The following RBM27 variants were observed in gnomAD, a reference collection of about 807,000 sequenced individuals.
The protein encoded by RBM27 is RNA-binding protein 27.
Under a neutral mutation model 135.3 loss-of-function variants are expected in RBM27, and 22 were observed. That is an observed-to-expected ratio of 0.16 (90% CI 0.12 to 0.23). The LOEUF (loss-of-function observed/expected upper bound fraction) is 0.23. RBM27 is among the 10% of genes least tolerant of loss of function. The pLI is 1.00. For synonymous variants in RBM27, 481 were observed against 442.4 expected, an observed-to-expected ratio of 1.09 and a Z score of -1.10; for missense variants, 1,009 against 1,281.0, an observed-to-expected ratio of 0.79 and a Z score of 3.24.
In RBM27 at chr5:146,288,461, A is replaced by T. The variant is rs1759666975; in HGVS notation, c.*2431A>T. Reference sequence around the variant, plus strand: ...AAGATGAATTTGAAGTGAGTTAATTATAATACTGGAAAACTTCAGGTTAGC... The same window carrying T: ...AAGATGAATTTGAAGTGAGTTAATTTTAATACTGGAAAACTTCAGGTTAGC... On this transcript the variant is annotated 3_prime_UTR_variant, in exon 21 of 21. Transcript: ENST00000265271. The T allele has an allele frequency of 6.6e-6, 1 of 152,106 alleles. No homozygotes were observed. Among genetic ancestry groups the T allele is most frequent in the Non-Finnish European group, 1.5e-5 (1 of 67,948 alleles). 9.4% of individuals were successfully genotyped at this position (152,106 alleles called of 1,614,324 possible).
Position 146,255,037 on chromosome 5 carries a change from A to G in RBM27, c.1539A>G (p.Thr513=). The change falls in exon 10 of 21, where the codon ACA becomes ACG. Residue 513 remains threonine (T), a synonymous_variant. Transcript: ENST00000265271. The part of the protein sequence containing the change: ...QYRQFFSRTQ[T]QRPNLIGLTS... ...GACAGTTCTTTTCAAGAACTCAGAC[A>G]CAGCGTCCCAATCTGATTGGCCTAA... The G allele has an allele frequency of 1.9e-6, 3 of 1,611,744 alleles. No individual in the cohort carries two copies. Among genetic ancestry groups the G allele is most frequent in the Non-Finnish European group, 2.5e-6 (3 of 1,177,910 alleles).
chr5:146,283,858 T>C (rs1467505652), intron 19 of RBM27, among the ~76,000 whole-genome samples: 5 of 152,204 alleles, frequency 3.3e-5, no homozygotes, highest in Non-Finnish European at 5.9e-5. Context: ...GAATCTCTTC[T>C]ATTATGTTTT....
At chr5:146,206,436 G>A (rs926702137) in intron 1 of RBM27, among the ~76,000 whole-genome samples, 1 of 139,006 alleles carries the variant, frequency 7.2e-6, no homozygotes, top group African/African-American at 2.7e-5. Context: ...TAATTTTCAT[G>A]AGTAAAAATT....
At chr5:146,258,664 G>T in intron 11 of RBM27, 71 bp downstream of exon 11, 2 of 1,299,522 alleles carry the variant, frequency 1.5e-6, no homozygotes, top group Non-Finnish European at 2.0e-6. Flanking sequence ...ATAAAAATAA[G>T]ATTTGTCATT....
chr5:146,288,163 C>CT lies in RBM27; in HGVS notation c.*2134dup, dbSNP rs1759655824. ...AAAATTACAGTAAATAAATGGAACT[C>CT]TAAGAAAAATTTCAGTAGACAGTTC... On this transcript the variant is annotated 3_prime_UTR_variant, in exon 21 of 21. Transcript: ENST00000265271. 6.6e-6 allele frequency: 1 copy of CT among 151,520 alleles called. No individual in the cohort carries two copies. The highest frequency in any genetic ancestry group is 2.4e-5 in the African/African-American group (1 of 41,236). 9.4% of individuals were successfully genotyped at this position (151,520 alleles called of 1,614,324 possible). A position where few individuals can be genotyped will look rare whatever the true frequency, so the allele number is the denominator to read the frequency against.
chr5:146,245,585 T>G (rs1757592189), intron 8 of RBM27, among the ~76,000 whole-genome samples: 1 of 152,216 alleles, frequency 6.6e-6, no homozygotes. Flanking sequence ...TAATTCTAAA[T>G]TTGAGATTTG....
intron 8 of RBM27, among the ~76,000 whole-genome samples, chr5:146,240,684 T>C (rs1032928309): frequency 3.3e-5 from 5 of 152,154 alleles, no homozygotes; most frequent in Non-Finnish European, 7.3e-5. Context: ...TAATGACATA[T>C]ACTTATATAT....
At chr5:146,211,771 C>T (rs1466155042) in intron 1 of RBM27, among the ~76,000 whole-genome samples, 2 of 151,904 alleles carry the variant, frequency 1.3e-5, no homozygotes, top group African/African-American at 4.8e-5. Flanking sequence ...CCAGTATGGT[C>T]TTACCAAAGG....
At chr5:146,228,278 C>CTTTTTTTTTTTT (rs201464624) in intron 3 of RBM27, among the ~76,000 whole-genome samples, 1 of 116,860 alleles carries the variant, frequency 8.6e-6, no homozygotes, top group African/African-American at 3.5e-5. Context: ...AGGGACCATT[C>CTTTTTTTTTTTT]TTTCTTTTTT....
intron 11 of RBM27, among the ~76,000 whole-genome samples, chr5:146,260,230 T>G (rs1200347947): frequency 6.6e-6 from 1 of 150,692 alleles, no homozygotes. Context: ...ACTTGGGAGG[T>G]GGAGGTTGCA....
intron 9 of RBM27, among the ~76,000 whole-genome samples, chr5:146,252,402 A>G (rs1445082948): frequency 6.6e-6 from 1 of 151,966 alleles, no homozygotes; most frequent in African/African-American, 2.4e-5. Flanking sequence ...GGTGTTTTTA[A>G]CCCTTTCTCA....
At chr5:146,283,974 T>A (rs1759474583) in intron 19 of RBM27, among the ~76,000 whole-genome samples, 1 of 152,198 alleles carries the variant, frequency 6.6e-6, no homozygotes, top group African/African-American at 2.4e-5. Context: ...TTGTCTGTGT[T>A]GCTTTGTCTT....
intron 8 of RBM27, among the ~76,000 whole-genome samples, chr5:146,240,368 C>A (rs1029361244): frequency 5.9e-5 from 9 of 151,822 alleles, no homozygotes; most frequent in Non-Finnish European, 1.3e-4. Flanking sequence ...ACTTTGTCGC[C>A]CAGGCTGGAG....
intron 19 of RBM27, among the ~76,000 whole-genome samples, chr5:146,274,456 T>A (rs1004459018): frequency 6.6e-6 from 1 of 152,088 alleles, no homozygotes; most frequent in African/African-American, 2.4e-5. Context: ...GATGGGGTTT[T>A]GCCATGTTGG....
chr5:146,260,651 T>TA (rs967702518), intron 11 of RBM27, 94 bp from the exon 12 acceptor site: 4 of 1,139,704 alleles, frequency 3.5e-6, no homozygotes, highest in African/African-American at 3.2e-5. Flanking sequence ...AAAAGGCACT[T>TA]AAAAAAATTA....
At chr5:146,230,038 A>C in intron 5 of RBM27, 128 bp downstream of exon 5, 9 of 1,077,408 alleles carry the variant, frequency 8.4e-6, no homozygotes, top group Non-Finnish European at 1.2e-5. Context: ...GAATTGTCTC[A>C]AGAAGCTCAA....
chr5:146,223,319 G>C (rs1756535851), intron 2 of RBM27, 84 bp from the exon 3 acceptor site: 1 of 1,337,426 alleles, frequency 7.5e-7, no homozygotes, highest in African/African-American at 1.5e-5. Context: ...AAGATGTCCT[G>C]TTTTCCTGAG....
intron 10 of RBM27, among the ~76,000 whole-genome samples, chr5:146,256,675 A>G (rs1456483963): frequency 6.6e-6 from 1 of 152,018 alleles, no homozygotes; most frequent in Non-Finnish European, 1.5e-5. Flanking sequence ...ATTGTCTCTC[A>G]TATTTCTATT....
At chr5:146,259,528 G>T (rs1325497218) in intron 11 of RBM27, among the ~76,000 whole-genome samples, 1 of 145,764 alleles carries the variant, frequency 6.9e-6, no homozygotes, top group Admixed American at 6.8e-5. Context: ...AAAAAAAAAA[G>T]GTGGTGTTCT....
Sources: allele counts gnomAD v4.1 joint callset (sites outside exome capture counted in the v4.1 genomes callset), GRCh38; gene constraint gnomAD v4.1.1; transcripts MANE v1.5; gene names NCBI Gene and HGNC (gene_info 2026-07-23, HGNC 2026-07-21).